Variants in PAX6 observed in about 807,000 individuals in gnomAD.
The protein encoded by PAX6 is paired box 6, also known as paired box protein Pax-6.
In PAX6, 7 loss-of-function variants were observed where a neutral mutation model predicts 60.7. The observed-to-expected ratio is 0.12, with a 90% confidence interval of 0.07 to 0.22. PAX6 has a LOEUF of 0.22. Among genes scored for constraint, PAX6 ranks in the 10% least tolerant of loss-of-function variants. The pLI is 1.00. For synonymous variants in PAX6, 208 were observed against 201.2 expected (o/e 1.03, Z -0.29); for missense variants, 355 against 555.2 (o/e 0.64, Z 3.62).
At chr11:31,792,782 A>T (rs1003085855) in intron 12 of PAX6, 5 of 194,316 alleles carry the variant, frequency 2.6e-5, no homozygotes, top group African/African-American at 9.5e-5. Flanking sequence ...TACCAAGTGA[A>T]TAGCATCAAG....
intron 13 of PAX6, 77 bp from the exon 14 acceptor site, chr11:31,790,096 A>AG: frequency 7.5e-6 from 4 of 531,192 alleles, no homozygotes; most frequent in South Asian, 2.0e-5. Flanking sequence ...TTATAGGTTT[A>AG]CAAAAAAAAA....
At chr11:31,794,207 C>T in intron 9 of PAX6, 93 bp from the exon 10 acceptor site, 1 of 838,946 alleles carries the variant, frequency 1.2e-6, no homozygotes, top group Non-Finnish European at 2.1e-6. Flanking sequence ...CCTCCCCACT[C>T]CCATTACCTC....
chr11:31,793,393 T>A (rs1950486389), intron 12 of PAX6, 45 bp downstream of exon 12: 2 of 1,557,700 alleles, frequency 1.3e-6, no homozygotes, highest in Non-Finnish European at 1.8e-6. Context: ...CACTCCTCAC[T>A]TCTCTGGGGC....
At chr11:31,816,905 C>T (rs1216500593) in intron 1 of PAX6, among the ~76,000 whole-genome samples, 3 of 152,258 alleles carry the variant, frequency 2.0e-5, no homozygotes, top group African/African-American at 7.2e-5. Context: ...GCCTGGGCGT[C>T]TCCAGCTGCT....
rs1950772244 is a variant in PAX6 at position 31,794,311 on chromosome 11, A to G, written c.725-197T>C. 6.1e-6 allele frequency: 4 copies of G among 655,242 alleles called. No homozygotes were observed. In the East Asian group the frequency reaches 1.1e-4, roughly 18 times the overall value. The allele number at this position is 655,242 out of a possible 1,614,324, so 40.6% of individuals were successfully genotyped here. Reference sequence around the variant, plus strand: ...TTAAATTTTCTTTGGAATGGCATTCAGTGACCTTTCTGTGGCCTGAAATAG... The same window carrying G: ...TTAAATTTTCTTTGGAATGGCATTCGGTGACCTTTCTGTGGCCTGAAATAG... On this transcript the variant is annotated intron_variant, in intron 9 of 13. Coordinates refer to ENST00000640368, the MANE Select transcript of PAX6 (RefSeq NM_001368894.2).
In PAX6 at chr11:31,793,676, G is replaced by C. The variant is rs1452469055; in HGVS notation, c.934C>G (p.Pro312Ala). Reference sequence around the variant, plus strand: ...CCCGGTGTGGTGGGTTGTGGAATTGGTTGGTAGACACTGGTGCTGAAACTA... The same window carrying C: ...CCCGGTGTGGTGGGTTGTGGAATTGCTTGGTAGACACTGGTGCTGAAACTA... ...SSSFSTSVYQ[P>A]IPQPTTPVSS... is the part of the protein sequence containing the mutation. Residue 312 changes from proline (P) to alanine (A), a missense_variant, in exon 11 of 14, where the codon CCA becomes GCA. Around this residue, in one of 5 missense-constraint regions of PAX6, gnomAD observed 149 missense variants for 191.9 expected, o/e 0.78. Coordinates refer to ENST00000640368, the MANE Select transcript of PAX6 (RefSeq NM_001368894.2). The C allele has an allele frequency of 6.2e-7, 1 of 1,614,050 alleles. No homozygotes were observed. The highest frequency in any genetic ancestry group is 8.5e-7 in the Non-Finnish European group (1 of 1,180,012).
upstream of PAX6, chr11:31,811,409 C>T: frequency 2.5e-6 from 1 of 397,380 alleles, no homozygotes; most frequent in Non-Finnish European, 4.4e-6. Flanking sequence ...GCTCCCTCTC[C>T]CCGCCTGGTG....
chr11:31,793,787 G>T lies in PAX6; in HGVS notation c.823C>A (p.Arg275=). ...EARIQVWFSN[R]RAKWRREEKL... ...TCTTCTCTTCTCCATTTGGCCCTTC[G>T]ATTAGAAAACCATACCTGGAAATCA... The change falls in exon 11 of 14, where the codon CGA becomes AGA. Residue 275 remains arginine, a synonymous_variant. Coordinates refer to ENST00000640368, the MANE Select transcript of PAX6 (RefSeq NM_001368894.2). The T allele has an allele frequency of 6.2e-7, 1 of 1,614,062 alleles. No homozygotes were observed. Among genetic ancestry groups the T allele is most frequent in the Non-Finnish European group, 8.5e-7 (1 of 1,180,012 alleles).
At chr11:31,805,627 T>C (rs1235578568) in intron 4 of PAX6, 1 of 152,624 alleles carries the variant, frequency 6.6e-6, no homozygotes, top group African/African-American at 2.4e-5. Context: ...CCCTGCCGCG[T>C]ACCAGCACCC....
rs754636793 is a variant in PAX6 at position 31,800,757 on chromosome 11, T to C, written c.499A>G (p.Thr167Ala). 4 of 1,614,228 alleles carry C rather than the reference T, an allele frequency of 2.5e-6. No individual in the cohort carries two copies. The highest frequency in any genetic ancestry group is 8.5e-7 in the Non-Finnish European group (1 of 1,180,042). Residue 167 changes from threonine (T) to alanine (A), a missense_variant, in exon 8 of 14, where the codon ACC becomes GCC. By Grantham distance (58) the Thr-to-Ala change is moderately conservative (BLOSUM62 0). Around this residue, in one of 5 missense-constraint regions of PAX6, gnomAD observed 143 missense variants for 183.6 expected, o/e 0.78. Coordinates refer to ENST00000640368, the MANE Select transcript of PAX6 (RefSeq NM_001368894.2). ...YDKLRMLNGQ[T>A]GSWGTRPGWY... ...CCAGGGCGGGTGCCCCAGCTTCCGG[T>C]CTGCCCGTTCAACATCCTTAGTTTA...
Position 31,801,717 on chromosome 11 carries a change from T to C in PAX6, c.243A>G (p.Arg81=), listed in dbSNP as rs771974160. The C allele has an allele frequency of 2.0e-5, 32 of 1,614,074 alleles. No individual in the cohort carries two copies. In the East Asian group the frequency reaches 5.3e-4, roughly 27 times the overall value. The change falls in exon 7 of 14, where the codon AGA becomes AGG. Residue 81 remains arginine (R), a synonymous_variant. Coordinates refer to ENST00000640368, the MANE Select transcript of PAX6 (RefSeq NM_001368894.2). ...LGRYYETGSI[R]PRAIGGSKPR... is the part of the protein sequence containing the mutation. ...GTTTACTACCACCGATTGCCCTGGG[T>C]CTGATGGAGCCAGTCTCGTAATACC...
chr11:31,817,122 G>T (rs1957418901), intron 1 of PAX6, among the ~76,000 whole-genome samples: 1 of 152,368 alleles, frequency 6.6e-6, no homozygotes, highest in South Asian at 2.1e-4. Context: ...GGCAGCCAGC[G>T]CAGCGCCCGC....
intron 8 of PAX6, among the ~76,000 whole-genome samples, chr11:31,796,488 G>C (rs948959596): frequency 1.4e-4 from 21 of 150,326 alleles, no homozygotes; most frequent in Non-Finnish European, 2.8e-4. Flanking sequence ...GAGGGTGGAT[G>C]GGGGGGCCAG....
intron 1 of PAX6, chr11:31,816,610 G>T: frequency 1.4e-6 from 1 of 702,562 alleles, no homozygotes; most frequent in Non-Finnish European, 2.6e-6. Context: ...CCAGGGAGAG[G>T]AACCCGCGGA....
Position 31,794,055 on chromosome 11 carries a change from C to A in PAX6, c.784G>T (p.Asp262Tyr). 1.2e-6 allele frequency: 2 copies of A among 1,610,320 alleles called. No individual in the cohort carries two copies. Among genetic ancestry groups the A allele is most frequent in the Non-Finnish European group, 1.7e-6 (2 of 1,176,552 alleles). ...ACCTGTATTCTTGCTTCAGGTAGAT[C>A]TATTTTGGCTGCTAGTCTTTCTCGG... is the stretch of plus-strand genomic sequence containing the variant. Reference protein sequence around the residue: ...FARERLAAKIDLPEARIQVWF... With the variant: ...FARERLAAKIYLPEARIQVWF... Residue 262 changes from aspartate to tyrosine, a missense_variant, in exon 10 of 14, where the codon GAT becomes TAT. Coordinates refer to ENST00000640368, the MANE Select transcript of PAX6 (RefSeq NM_001368894.2).
At chr11:31,799,003 G>A (rs1180743810) in intron 8 of PAX6, among the ~76,000 whole-genome samples, 1 of 152,232 alleles carries the variant, frequency 6.6e-6, no homozygotes, top group African/African-American at 2.4e-5. Context: ...ACCGTGCCCT[G>A]AGTCCCTCCC....
At chr11:31,810,634 G>C (rs1956873721) in intron 2 of PAX6, 194 bp downstream of exon 2, 1 of 379,444 alleles carries the variant, frequency 2.6e-6, no homozygotes, top group South Asian at 1.5e-4. Flanking sequence ...CTCGCCGGCA[G>C]TCGCCCTCCG....
upstream of PAX6, among the ~76,000 whole-genome samples, chr11:31,815,803 A>G (rs1957350756): frequency 6.6e-6 from 1 of 152,102 alleles, no homozygotes; most frequent in Non-Finnish European, 1.5e-5. Context: ...TTCAATTTGA[A>G]AACAATTCGG....
At chr11:31,813,171 G>GCGC (rs1957205925), upstream of PAX6, 1 of 152,140 alleles carries the variant, frequency 6.6e-6, no homozygotes, top group Non-Finnish European at 1.5e-5. Context: ...GAAGGAGGTG[G>GCGC]CGCCGGGTGT....
Sources: gnomAD v4.1 joint callset for allele counts (sites outside exome capture counted in the v4.1 genomes callset) on GRCh38, gnomAD v4.1.1 for gene constraint, gnomAD v4.1.1 regional missense constraint, MANE v1.5 for transcripts, NCBI Gene and HGNC (gene_info 2026-07-23, HGNC 2026-07-21) for gene names.